PYGB: variants seen among roughly 807,000 people sequenced by gnomAD.
The protein encoded by PYGB is glycogen phosphorylase, brain form.
A neutral mutation model predicts 94.3 loss-of-function variants in PYGB; 82 were observed. The ratio of observed to expected loss-of-function variants is 0.87; its 90% confidence interval spans 0.73 to 1.04. The LOEUF (loss-of-function observed/expected upper bound fraction) is 1.04. Ranked by LOEUF, PYGB falls within the 50% of genes least tolerant of loss-of-function variation. The pLI, the probability that PYGB is intolerant of heterozygous loss-of-function variation, is 0.00. For synonymous variants in PYGB, 488 were observed against 479.1 expected (o/e 1.02, Z -0.24); for missense variants, 1,132 against 1,158.2 (o/e 0.98, Z 0.33).
chr20:25,278,213 C>T (rs2088330991), intron 7 of PYGB, 106 bp from the exon 8 acceptor site: 2 of 1,311,334 alleles, frequency 1.5e-6, no homozygotes, highest in African/African-American at 3.0e-5. Flanking sequence ...GGGCTGGGCT[C>T]CTCTCGGCCT....
chr20:25,251,550 G>A (rs1305655366), intron 1 of PYGB, among the ~76,000 whole-genome samples: 1 of 152,242 alleles, frequency 6.6e-6, no homozygotes, highest in Non-Finnish European at 1.5e-5. Flanking sequence ...ACATTAGAAG[G>A]CCTCAGAGTG....
chr20:25,284,087 C>A lies in PYGB; in HGVS notation c.1621-17C>A. 2 of 1,612,336 alleles carry A rather than the reference C, an allele frequency of 1.2e-6. No homozygotes were observed. Among genetic ancestry groups the A allele is most frequent in the Non-Finnish European group, 1.7e-6 (2 of 1,178,940 alleles). On this transcript the variant is annotated splice_polypyrimidine_tract_variant and intron_variant, in intron 13 of 19. Coordinates refer to ENST00000216962, the MANE Select transcript of PYGB (RefSeq NM_002862.4). ...CCTGGTGAAGTCTCCAGCCATCTTT[C>A]CCTTTCACCCTCCCAGGAGAACAAG...
chr20:25,252,723 A>G (rs536885333), intron 1 of PYGB, among the ~76,000 whole-genome samples: 1 of 152,364 alleles, frequency 6.6e-6, no homozygotes, highest in East Asian at 1.9e-4. Flanking sequence ...CCACTGTCCC[A>G]GCACCTCCAG....
At chr20:25,261,919 A>T (rs1394824954) in intron 2 of PYGB, among the ~76,000 whole-genome samples, 1 of 152,206 alleles carries the variant, frequency 6.6e-6, no homozygotes, top group African/African-American at 2.4e-5. Flanking sequence ...GTGAGAAGAG[A>T]AGTTCAGAGA....
intron 15 of PYGB, 89 bp from the exon 16 acceptor site, chr20:25,290,392 A>G (rs2088455420): frequency 6.6e-7 from 1 of 1,504,746 alleles, no homozygotes; most frequent in Non-Finnish European, 9.1e-7. Flanking sequence ...CTCTAGCCTC[A>G]CCCCCCTACA....
intron 18 of PYGB, chr20:25,294,618 G>C: frequency 1.8e-6 from 1 of 547,620 alleles, no homozygotes; most frequent in Non-Finnish European, 3.3e-6. Flanking sequence ...CAGCAGGCCA[G>C]TAGAGGGAGC....
intron 7 of PYGB, 79 bp from the exon 8 acceptor site, chr20:25,278,240 A>C: frequency 7.1e-6 from 5 of 699,698 alleles, no homozygotes; most frequent in Non-Finnish European, 7.6e-6. Flanking sequence ...TGCACCTTTG[A>C]GCCAGGTCGC....
intron 2 of PYGB, among the ~76,000 whole-genome samples, chr20:25,262,484 A>G (rs2092915762): frequency 6.6e-6 from 1 of 152,208 alleles, no homozygotes; most frequent in Non-Finnish European, 1.5e-5. Flanking sequence ...GAAGCACTAA[A>G]CATGGAAAGG....
At chr20:25,281,591 G>A (rs1217500102) in intron 11 of PYGB, among the ~76,000 whole-genome samples, 1 of 152,250 alleles carries the variant, frequency 6.6e-6, no homozygotes, top group Non-Finnish European at 1.5e-5. Context: ...AGCAGCCGGC[G>A]GGAGCGGAGG....
At chr20:25,294,870 G>A (rs961146468) in intron 18 of PYGB, 32 of 1,346,400 alleles carry the variant, frequency 2.4e-5, no homozygotes, top group Admixed American at 3.4e-5. Flanking sequence ...AGTTGAATCC[G>A]GCGAGGGCTG....
chr20:25,265,707 AC>A (rs1386134285), intron 2 of PYGB, among the ~76,000 whole-genome samples: 2 of 146,494 alleles, frequency 1.4e-5, no homozygotes, highest in Non-Finnish European at 3.0e-5. Flanking sequence ...CCATTCTCTT[AC>A]CTCAGTCTCC....
chr20:25,278,277 A>AGGGCCC, intron 7 of PYGB, 42 bp from the exon 8 acceptor site: 1 of 436,092 alleles, frequency 2.3e-6, no homozygotes, highest in East Asian at 3.4e-4. Context: ...GGGGAGGAGA[A>AGGGCCC]TGGCCCAGCC....
chr20:25,261,109 G>C (rs2092912523), intron 2 of PYGB, among the ~76,000 whole-genome samples: 1 of 152,226 alleles, frequency 6.6e-6, no homozygotes, highest in South Asian at 2.1e-4. Flanking sequence ...GTCTCTGTGT[G>C]ACATCTTTGA....
At chr20:25,271,515 T>A (rs1229165529) in intron 4 of PYGB, 29 bp downstream of exon 4, 1 of 1,587,986 alleles carries the variant, frequency 6.3e-7, no homozygotes, top group Admixed American at 1.7e-5. Flanking sequence ...CTTCACTGGT[T>A]TCCAGCTCTC....
chr20:25,290,050 G>A (rs2088451958), intron 15 of PYGB: 8 of 448,258 alleles, frequency 1.8e-5, no homozygotes, highest in Admixed American at 5.0e-5. Flanking sequence ...TCAGTTCTCT[G>A]TAGGTTTTCC....
intron 12 of PYGB, 83 bp downstream of exon 12, chr20:25,282,230 T>G: frequency 1.7e-6 from 2 of 1,162,000 alleles, no homozygotes; most frequent in Non-Finnish European, 2.4e-6. Context: ...GCTGAGCGGT[T>G]GCTGAGTAGG....
intron 1 of PYGB, among the ~76,000 whole-genome samples, chr20:25,249,771 C>T (rs962588898): frequency 1.3e-5 from 2 of 151,854 alleles, no homozygotes. Flanking sequence ...CTTGGGATGA[C>T]TTTGCCAGGA....
At chr20:25,279,226 G>A in intron 9 of PYGB, 77 bp downstream of exon 9, 1 of 1,446,072 alleles carries the variant, frequency 6.9e-7, no homozygotes, top group Non-Finnish European at 9.5e-7. Flanking sequence ...GAGCTGAGCT[G>A]GGGGGCCTCT....
In PYGB at chr20:25,265,507, G is replaced by A. The variant is rs373106023; in HGVS notation, c.346-3622G>A. ...CTGAGCATCTTTTCACGTGCTTGTG[G>A]GCCATTTGTATATCTTGTTTGAAGA... On this transcript the variant is annotated intron_variant, in intron 2 of 19. Coordinates refer to ENST00000216962, the MANE Select transcript of PYGB (RefSeq NM_002862.4). Among the ~76,000 whole-genome samples the A allele has an allele frequency of 2.2e-4, 34 of 152,116 alleles. No homozygotes were observed. In the South Asian group the frequency reaches 6.9e-3, roughly 31 times the overall value.
Sources: gnomAD v4.1 joint callset for allele counts (sites outside exome capture counted in the v4.1 genomes callset) on GRCh38, gnomAD v4.1.1 for gene constraint, MANE v1.5 for transcripts, NCBI Gene and HGNC (gene_info 2026-07-23, HGNC 2026-07-21) for gene names.